PKP2: variants seen among roughly 807,000 people sequenced by gnomAD.
The protein encoded by PKP2 is plakophilin-2.
Under a neutral mutation model 83.4 loss-of-function variants are expected in PKP2, and 73 were observed. The ratio of observed to expected loss-of-function variants is 0.88; its 90% CI spans 0.72 to 1.06. PKP2 has a LOEUF of 1.06. Among genes scored for constraint, PKP2 ranks in the 50% least tolerant of loss-of-function variants. The pLI is 0.00. For synonymous variants in PKP2, 409 were observed against 430.4 expected (o/e 0.95, Z 0.62); for missense variants, 966 against 1,065.4 (o/e 0.91, Z 1.30).
intron 4 of PKP2, among the ~76,000 whole-genome samples, chr12:32,862,054 C>T (rs556761780): frequency 3.0e-4 from 45 of 152,204 alleles, no homozygotes; most frequent in African/African-American, 1.1e-3. Context: ...CCCGCCACCA[C>T]ACCTGGCTAA....
intron 1 of PKP2, among the ~76,000 whole-genome samples, chr12:32,886,439 C>T (rs1957030558): frequency 6.6e-6 from 1 of 152,176 alleles, no homozygotes; most frequent in African/African-American, 2.4e-5. Flanking sequence ...TAAAAGAAAG[C>T]AGAAAATATA....
At chr12:32,806,025 C>T (rs116481358) in intron 9 of PKP2, among the ~76,000 whole-genome samples, 228 of 152,198 alleles carry the variant, frequency 1.5e-3, no homozygotes, top group African/African-American at 4.9e-3. Flanking sequence ...TATTGATTTG[C>T]GAATGTTGAA....
intron 9 of PKP2, 140 bp downstream of exon 9, chr12:32,821,216 C>A: frequency 3.8e-6 from 3 of 787,850 alleles, no homozygotes; most frequent in South Asian, 1.6e-5. Flanking sequence ...GAGACCGAAG[C>A]CCTCTGTAAT....
At chr12:32,823,243 G>T (rs368107728) in intron 7 of PKP2, among the ~76,000 whole-genome samples, 1 of 151,956 alleles carries the variant, frequency 6.6e-6, no homozygotes, top group African/African-American at 2.4e-5. Flanking sequence ...GCAAAACCCT[G>T]TCTCTACTAA....
chr12:32,888,700 T>C (rs956599408), intron 1 of PKP2, among the ~76,000 whole-genome samples: 1 of 151,986 alleles, frequency 6.6e-6, no homozygotes, highest in Non-Finnish European at 1.5e-5. Flanking sequence ...TCCATGTTGA[T>C]CAGGCTAGTC....
chr12:32,896,584 T>A lies in PKP2; in HGVS notation c.148A>T (p.Thr50Ser). 1 of 1,588,598 alleles carries A rather than the reference T, an allele frequency of 6.3e-7. No individual in the cohort carries two copies. ...LAGSSGRGGQ[T>S]VKSLRIQEQV... ...TCCTGGATCCGCAGGCTCTTGACTGTCTGGCCGCCGCGGCCGCTGCTCCCC... is the reference window on the plus strand; with the variant it reads ...TCCTGGATCCGCAGGCTCTTGACTGACTGGCCGCCGCGGCCGCTGCTCCCC... Residue 50 changes from threonine to serine, a missense_variant, in exon 1 of 13, where the codon ACA becomes TCA. By Grantham distance (58) the Thr-to-Ser change is moderately conservative (BLOSUM62 1). Transcript: ENST00000340811.
intron 3 of PKP2, among the ~76,000 whole-genome samples, chr12:32,873,974 C>G (rs1270797390): frequency 1.3e-5 from 2 of 151,978 alleles, no homozygotes; most frequent in Non-Finnish European, 2.9e-5. Context: ...TCTTAAAAAC[C>G]TTTTTCATCA....
intron 5 of PKP2, among the ~76,000 whole-genome samples, chr12:32,849,668 T>C (rs1303753840): frequency 6.6e-6 from 1 of 152,222 alleles, no homozygotes; most frequent in Non-Finnish European, 1.5e-5. Context: ...CTTCTCTTCA[T>C]GCTTAGAGGA....
At chr12:32,794,230 C>T (rs1956101001) in intron 11 of PKP2, among the ~76,000 whole-genome samples, 1 of 152,132 alleles carries the variant, frequency 6.6e-6, no homozygotes, top group Non-Finnish European at 1.5e-5. Context: ...GCAAATAAAT[C>T]CATCAAAGTG....
intron 5 of PKP2, among the ~76,000 whole-genome samples, chr12:32,846,390 C>T (rs902635796): frequency 3.3e-5 from 5 of 152,082 alleles, no homozygotes; most frequent in African/African-American, 1.2e-4. Flanking sequence ...AAGAGAAGAT[C>T]CTAGGCTACT....
At chr12:32,846,953 T>A (rs534800787) in intron 5 of PKP2, among the ~76,000 whole-genome samples, 1 of 152,188 alleles carries the variant, frequency 6.6e-6, no homozygotes, top group East Asian at 1.9e-4. Context: ...TTAGGCAACC[T>A]TGGGCAATTT....
chr12:32,798,639 CA>C (rs1231868020), intron 10 of PKP2, among the ~76,000 whole-genome samples: 1 of 151,938 alleles, frequency 6.6e-6, no homozygotes, highest in Admixed American at 6.6e-5. Context: ...ACAAAGCAAA[CA>C]AAAACATTAA....
Position 32,821,497 on chromosome 12 carries a change from C to T in PKP2, c.1872G>A (p.Lys624=), listed in dbSNP as rs1395644069. 15 of 1,613,890 alleles carry T rather than the reference C, an allele frequency of 9.3e-6. 1 individual carries two copies. In the Admixed American group the frequency reaches 2.3e-4, roughly 25 times the overall value. The part of the protein sequence containing the change: ...QYQDVPMPEE[K]SNPKGVEWLW... ...GCCACTCCACGCCCTTGGGGTTGCT[C>T]TTTTCCTCCGGCATCGGCACGTCCT... Residue 624 remains lysine (K), a synonymous_variant, in exon 9 of 13, where the codon AAG becomes AAA. Coordinates refer to ENST00000340811, the MANE Select transcript of PKP2 (RefSeq NM_001005242.3).
chr12:32,834,372 G>A (rs1168634573), intron 6 of PKP2, among the ~76,000 whole-genome samples: 1 of 152,210 alleles, frequency 6.6e-6, no homozygotes, highest in Non-Finnish European at 1.5e-5. Context: ...ATACCAAGAA[G>A]GCTGGACTAG....
chr12:32,832,136 T>C (rs1294283958), intron 6 of PKP2, among the ~76,000 whole-genome samples: 6 of 152,110 alleles, frequency 3.9e-5, no homozygotes, highest in Non-Finnish European at 8.8e-5. Context: ...CCCAGCACCT[T>C]GGGAGGCCAA....
intron 6 of PKP2, among the ~76,000 whole-genome samples, chr12:32,829,024 T>C (rs7975077): frequency 1 from 152,249 of 152,254 alleles, 76,122 homozygotes; most frequent in Non-Finnish European, 1. Flanking sequence ...CAGCCTCAAC[T>C]TTCCAGGCTC....
In PKP2 at chr12:32,791,066, TGAA is replaced by T; in HGVS notation, c.*1355_*1357del. The T allele has an allele frequency of 6.6e-6, 1 of 152,286 alleles. No individual in the cohort carries two copies. The highest frequency in any genetic ancestry group is 3.4e-3 in the Middle Eastern group (1 of 294). The allele number at this position is 152,286 out of a possible 1,614,324, so 9.4% of individuals were successfully genotyped here. On this transcript the variant is annotated 3_prime_UTR_variant, in exon 13 of 13. Coordinates refer to ENST00000340811, the MANE Select transcript of PKP2 (RefSeq NM_001005242.3). ...TTACAGTTTTCTTGCCAAAAGGAGTTGAAGAATTTTTTTGCTTATCTTACTTAG... is the reference window on the plus strand; with the variant it reads ...TTACAGTTTTCTTGCCAAAAGGAGTTGAATTTTTTTGCTTATCTTACTTAG...
In PKP2 at chr12:32,797,560, C is replaced by CTTTTTTTTTTT. The variant is rs751510872; in HGVS notation, c.2168-1273_2168-1263dup. Among the ~76,000 whole-genome samples the CTTTTTTTTTTT allele has an allele frequency of 1.8e-3, 234 of 132,724 alleles. 6 individuals carry two copies. The highest frequency in any genetic ancestry group is 4.2e-3 in the African/African-American group (149 of 35,822). 87.1% of individuals were successfully genotyped at this position (132,724 alleles called of 152,430 possible). A position where few individuals can be genotyped will look rare whatever the true frequency, so the allele number is the denominator to read the frequency against. On this transcript the variant is annotated intron_variant, in intron 10 of 12. Transcript: ENST00000340811. ...AACAATATTAATAGTGAACTAAAAT[C>CTTTTTTTTTTT]TTTTTTTTTTTTTGAAACAGAGTCT...
chr12:32,793,088 A>ACGCCAGGCT (rs1956087125), intron 11 of PKP2, among the ~76,000 whole-genome samples: 1 of 152,024 alleles, frequency 6.6e-6, no homozygotes, highest in African/African-American at 2.4e-5. Context: ...TAAAAATACA[A>ACGCCAGGCT]AATCTAGCTG....
Sources: gnomAD v4.1 joint callset for allele counts (sites outside exome capture counted in the v4.1 genomes callset) on GRCh38, gnomAD v4.1.1 for gene constraint, MANE v1.5 for transcripts, NCBI Gene and HGNC (gene_info 2026-07-23, HGNC 2026-07-21) for gene names.